The following JMJD6 variants were observed in gnomAD, a reference collection of about 807,000 sequenced individuals.
JMJD6 encodes the protein jumonji domain containing 6, arginine demethylase and lysine hydroxylase.
In JMJD6, 17 loss-of-function variants were observed where a neutral mutation model predicts 45.8. That is an observed-to-expected ratio of 0.37 (90% CI 0.25 to 0.56). The LOEUF (loss-of-function observed/expected upper bound fraction) is 0.56, where lower values mean the gene tolerates loss of function less well. Ranked by LOEUF, JMJD6 falls within the 20% of genes least tolerant of loss-of-function variation. JMJD6 has a pLI of 0.79. For synonymous variants in JMJD6, 221 were observed against 196.3 expected, an observed-to-expected ratio of 1.13 and a Z score of -1.05; for missense variants, 470 against 517.5, an observed-to-expected ratio of 0.91 and a Z score of 0.89.
chr17:76,715,905 TCAAA>T (rs2076760319), downstream of JMJD6: 2 of 152,154 alleles, frequency 1.3e-5, no homozygotes, highest in South Asian at 2.1e-4. Context: ...CGTCTGTAGG[TCAAA>T]CAAATGGGGA....
chr17:76,718,385 G>A (rs981147194), downstream of JMJD6: 62 of 1,148,782 alleles, frequency 5.4e-5, 1 homozygote, highest in African/African-American at 9.4e-4. Flanking sequence ...TTTCCCCCAA[G>A]ACCACCATGA....
exon 7 of JMJD6, chr17:76,713,120 A>G (rs1277262041): frequency 1.3e-5 from 2 of 151,860 alleles, no homozygotes; most frequent in African/African-American, 4.8e-5. Flanking sequence ...CTTTTTTTTT[A>G]AAGACAGAGT....
downstream of JMJD6, chr17:76,715,106 G>A (rs2076754986): frequency 6.6e-6 from 1 of 152,214 alleles, no homozygotes; most frequent in Non-Finnish European, 1.5e-5. Flanking sequence ...TGAAAGGAAG[G>A]TAAGGAAAAA....
intron 3 of JMJD6, 38 bp from the exon 4 acceptor site, chr17:76,721,971 T>A: frequency 6.2e-7 from 1 of 1,610,392 alleles, no homozygotes; most frequent in Non-Finnish European, 8.5e-7. Flanking sequence ...CAAGGTTTGA[T>A]CCTATACCTA....
chr17:76,718,273 C>G (rs1039009804), downstream of JMJD6, among the ~76,000 whole-genome samples: 1 of 151,740 alleles, frequency 6.6e-6, no homozygotes, highest in African/African-American at 2.4e-5. Context: ...AGAGGCCACG[C>G]CTCAGGTTCT....
At chr17:76,714,364 AAT>A (rs2076749679), downstream of JMJD6, 1 of 152,264 alleles carries the variant, frequency 6.6e-6, no homozygotes, top group African/African-American at 2.4e-5. Flanking sequence ...CCCTGAAAAT[AAT>A]CTAACATTAT....
Position 76,718,859 on chromosome 17 carries a change from C to T in JMJD6, c.1082G>A (p.Cys361Tyr). 1 of 1,613,578 alleles carries T rather than the reference C, an allele frequency of 6.2e-7. No individual in the cohort carries two copies. Among genetic ancestry groups the T allele is most frequent in the Non-Finnish European group, 8.5e-7 (1 of 1,179,610 alleles). The change falls in exon 6 of 6, where the codon TGC (cysteine) becomes TAC (tyrosine). Residue 361 changes from cysteine (C) to tyrosine (Y), a missense_variant and splice_region_variant. By Grantham distance (194) the Cys-to-Tyr change is radical. Coordinates refer to ENST00000397625, the MANE Select transcript of JMJD6 (RefSeq NM_015167.3). The stretch of plus-strand genomic sequence containing the variant: ...CCCATCGCCCTCGGATCCAGACTCG[C>T]ACTGGACACAGGAGGACAGAAAACA... ...SSSSSDSDSE[C>Y]ESGSEGDGTV...
At chr17:76,725,338 G>A in intron 2 of JMJD6, 129 bp downstream of exon 2, 1 of 859,142 alleles carries the variant, frequency 1.2e-6, no homozygotes, top group Non-Finnish European at 1.7e-6. Context: ...CTCGGGAGAT[G>A]GAGGTTGCTG....
At chr17:76,713,520 C>T (rs948155875), downstream of JMJD6, 10 of 152,118 alleles carry the variant, frequency 6.6e-5, no homozygotes, top group South Asian at 4.1e-4. Context: ...TGGAAGAAGC[C>T]GCCAGACTCC....
At chr17:76,726,078 A>G (rs1405937950) in intron 1 of JMJD6, among the ~76,000 whole-genome samples, 1 of 152,164 alleles carries the variant, frequency 6.6e-6, no homozygotes, top group Non-Finnish European at 1.5e-5. Context: ...CGCCGCCCAA[A>G]GGAGTCAGGG....
Position 76,726,500 on chromosome 17 carries a change from G to T in JMJD6, c.-25C>A. 1 of 1,579,754 alleles carries T rather than the reference G, an allele frequency of 6.3e-7. No individual in the cohort carries two copies. Among genetic ancestry groups the T allele is most frequent in the Non-Finnish European group, 8.6e-7 (1 of 1,163,980 alleles). On this transcript the variant is annotated 5_prime_UTR_variant, in exon 1 of 6. Transcript: ENST00000397625. ...TTCTGCGGGGTCGCCAGCTGGTTCC[G>T]CTACGACCTCGGCGCAGCCCGCTTC...
At chr17:76,719,581 G>A (rs911626968) in intron 5 of JMJD6, among the ~76,000 whole-genome samples, 2 of 152,164 alleles carry the variant, frequency 1.3e-5, no homozygotes, top group African/African-American at 2.4e-5. Flanking sequence ...GAGCCACTGC[G>A]CCAGGCTGAG....
intron 4 of JMJD6, chr17:76,720,751 C>T (rs2076813509): frequency 2.8e-6 from 1 of 360,642 alleles, no homozygotes; most frequent in Non-Finnish European, 5.1e-6. Context: ...CATAAATGAG[C>T]CAGCCGTGCC....
chr17:76,721,786 A>C lies in JMJD6; in HGVS notation c.941+12T>G, dbSNP rs377066960. ...TGAAACCAAGCAGAAATAAGAAAAA[A>C]ATGACTCTCACCTATACCATTTCCT... On this transcript the variant is annotated intron_variant, in intron 4 of 5. Coordinates refer to ENST00000397625, the MANE Select transcript of JMJD6 (RefSeq NM_015167.3). 8.1e-6 allele frequency: 13 copies of C among 1,607,526 alleles called. No homozygotes were observed. The highest frequency in any genetic ancestry group is 8.5e-6 in the Non-Finnish European group (10 of 1,177,148).
chr17:76,716,796 T>TA (rs1211356084), downstream of JMJD6: 1 of 1,540,042 alleles, frequency 6.5e-7, no homozygotes, highest in Non-Finnish European at 9.0e-7. Context: ...AAGGCAATGT[T>TA]AAAAGCAGGA....
chr17:76,720,186 A>G (rs2076805525), intron 5 of JMJD6, among the ~76,000 whole-genome samples, 174 bp downstream of exon 5: 1 of 152,196 alleles, frequency 6.6e-6, no homozygotes, highest in African/African-American at 2.4e-5. Context: ...AAGCTGTAAA[A>G]TGGGCAAGAT....
exon 7 of JMJD6, chr17:76,712,963 G>A (rs947137324): frequency 1.3e-5 from 2 of 152,208 alleles, no homozygotes; most frequent in Non-Finnish European, 2.9e-5. Flanking sequence ...CGCAGAACTA[G>A]GAGACTGCTC....
chr17:76,713,567 A>G (rs538161855), downstream of JMJD6: 1 of 152,202 alleles, frequency 6.6e-6, no homozygotes, highest in African/African-American at 2.4e-5. Flanking sequence ...ACACACATCA[A>G]AAACAACTTA....
chr17:76,718,696 G>A lies in JMJD6; in HGVS notation c.*33C>T, dbSNP rs754402616. 2.7e-5 allele frequency: 44 copies of A among 1,609,242 alleles called. No individual in the cohort carries two copies. Among genetic ancestry groups the A allele is most frequent in the Admixed American group, 1.5e-4 (9 of 59,664 alleles). ...CCCAGGCCCTGCCCTTGCCGCGAGC[G>A]TGTCCTTCCATACAGACAACAGCCT... is the stretch of plus-strand genomic sequence containing the variant. On this transcript the variant is annotated 3_prime_UTR_variant, in exon 6 of 6. Transcript: ENST00000397625.
Sources: gnomAD v4.1 joint callset for allele counts (sites outside exome capture counted in the v4.1 genomes callset) on GRCh38, gnomAD v4.1.1 for gene constraint, MANE v1.5 for transcripts, NCBI Gene and HGNC (gene_info 2026-07-23, HGNC 2026-07-21) for gene names.